Variants in NDRG1 observed in about 807,000 individuals in gnomAD.
NDRG1 encodes N-myc downstream regulated 1, also known as protein NDRG1.
In NDRG1, 32 loss-of-function variants were observed where a neutral mutation model predicts 56.9. That is an observed-to-expected ratio of 0.56 (90% CI 0.42 to 0.76). The LOEUF (loss-of-function observed/expected upper bound fraction) is 0.76. Ranked by LOEUF, NDRG1 falls within the 30% of genes least tolerant of loss-of-function variation. NDRG1 has a pLI of 0.00. For missense variants in NDRG1, 507 were observed against 545.7 expected, an observed-to-expected ratio of 0.93 and a Z score of 0.71; for synonymous variants, 211 against 204.1, an observed-to-expected ratio of 1.03 and a Z score of -0.29.
At chr8:133,286,885 G>A (rs1858147805) in intron 1 of NDRG1, among the ~76,000 whole-genome samples, 1 of 152,152 alleles carries the variant, frequency 6.6e-6, no homozygotes, top group African/African-American at 2.4e-5. Flanking sequence ...GCAGGCCTCG[G>A]GGTAGCCTGC....
chr8:133,255,295 G>C, intron 8 of NDRG1: 1 of 456,280 alleles, frequency 2.2e-6, no homozygotes, highest in South Asian at 1.5e-5. Context: ...TTCTAATCTG[G>C]AACTGGGAGT....
chr8:133,246,595 C>A, intron 13 of NDRG1, 21 bp downstream of exon 13: 2 of 1,613,638 alleles, frequency 1.2e-6, no homozygotes, highest in Non-Finnish European at 1.7e-6. Flanking sequence ...CAAACACGAA[C>A]CCCCACTGTT....
At chr8:133,277,514 C>G (rs1205910908) in intron 3 of NDRG1, among the ~76,000 whole-genome samples, 1 of 152,068 alleles carries the variant, frequency 6.6e-6, no homozygotes, top group Non-Finnish European at 1.5e-5. Flanking sequence ...TTGCAGTGAG[C>G]CAAGATCGCA....
chr8:133,240,161 C>CT, intron 15 of NDRG1: 1 of 152,312 alleles, frequency 6.6e-6, no homozygotes, highest in African/African-American at 2.4e-5. Context: ...GCCTCCTGAA[C>CT]TTTGAGAGAA....
rs763537429 is a variant in NDRG1 at position 133,258,402 on chromosome 8, T to C, written c.414A>G (p.Gly138=). Residue 138 remains glycine (G), a synonymous_variant, in exon 7 of 16, where the codon GGA becomes GGG. Transcript: ENST00000323851. ...QFGLKSIIGM[G]TGAGAYILTR... Reference sequence around the variant, plus strand: ...TTAGGATGTAGGCGCCTGCTCCTGTTCCCATGCCAATAATGCTTTTCAGCC... The same window carrying C: ...TTAGGATGTAGGCGCCTGCTCCTGTCCCCATGCCAATAATGCTTTTCAGCC... 6.2e-7 allele frequency: 1 copy of C among 1,612,240 alleles called. No individual in the cohort carries two copies. Among genetic ancestry groups the C allele is most frequent in the Non-Finnish European group, 8.5e-7 (1 of 1,179,238 alleles).
chr8:133,246,512 C>G, intron 13 of NDRG1, 104 bp downstream of exon 13: 1 of 1,153,844 alleles, frequency 8.7e-7, no homozygotes, highest in South Asian at 1.2e-5. Flanking sequence ...TCTATAGTTT[C>G]TGATCGTGTG....
At chr8:133,262,748 A>G (rs988382647) in intron 4 of NDRG1, among the ~76,000 whole-genome samples, 1 of 152,126 alleles carries the variant, frequency 6.6e-6, no homozygotes, top group African/African-American at 2.4e-5. Context: ...TTGCAATGAG[A>G]GGCAGCCATG....
chr8:133,263,737 G>A (rs1423206433), intron 4 of NDRG1, among the ~76,000 whole-genome samples: 1 of 152,068 alleles, frequency 6.6e-6, no homozygotes, highest in Non-Finnish European at 1.5e-5. Context: ...CCAACACAGT[G>A]AAACCCCGTC....
chr8:133,270,829 G>T (rs1441789501), intron 3 of NDRG1, among the ~76,000 whole-genome samples: 2 of 152,110 alleles, frequency 1.3e-5, no homozygotes, highest in South Asian at 4.1e-4. Flanking sequence ...TAACCACCAC[G>T]TGCCCTTGGC....
intron 2 of NDRG1, among the ~76,000 whole-genome samples, chr8:133,282,343 G>C (rs897918829): frequency 3.9e-5 from 6 of 152,196 alleles, no homozygotes; most frequent in Non-Finnish European, 8.8e-5. Flanking sequence ...CAAAAGGCTG[G>C]AAAGACACAT....
chr8:133,273,815 T>A (rs1194667917), intron 3 of NDRG1, among the ~76,000 whole-genome samples: 1 of 152,162 alleles, frequency 6.6e-6, no homozygotes, highest in African/African-American at 2.4e-5. Flanking sequence ...CCAGGTGGCC[T>A]TCCACAAAGC....
chr8:133,241,565 T>A (rs1164068619), intron 15 of NDRG1: 1 of 220,952 alleles, frequency 4.5e-6, no homozygotes, highest in South Asian at 7.1e-5. Context: ...GCTTCATCAC[T>A]GATAAGATGG....
rs561278978 is a variant in NDRG1, at chr8:133,280,109, C to T, written c.99+123G>A. On this transcript the variant is annotated intron_variant, in intron 3 of 15. Transcript: ENST00000323851. Reference sequence around the variant, plus strand: ...GCTGAGGGTGAGGACCTAGCTGAGACCACTGCCTTCTCTCCCCTTGCCCGC... The same window carrying T: ...GCTGAGGGTGAGGACCTAGCTGAGATCACTGCCTTCTCTCCCCTTGCCCGC... 15 of 1,189,626 alleles carry T rather than the reference C, an allele frequency of 1.3e-5. No homozygotes were observed. In the Admixed American group the frequency reaches 3.0e-4, roughly 23 times the overall value. 73.7% of individuals were successfully genotyped at this position (1,189,626 alleles called of 1,614,324 possible).
intron 9 of NDRG1, among the ~76,000 whole-genome samples, chr8:133,252,276 G>T (rs1856095080): frequency 6.6e-6 from 1 of 152,118 alleles, no homozygotes; most frequent in Non-Finnish European, 1.5e-5. Flanking sequence ...TGTATTTTCA[G>T]TAGAGACGGG....
chr8:133,294,657 T>C (rs1407690248), intron 1 of NDRG1, among the ~76,000 whole-genome samples: 4 of 136,916 alleles, frequency 2.9e-5, no homozygotes, highest in Non-Finnish European at 6.1e-5. Context: ...TCAGTTGAGA[T>C]CTGTCTTCTG....
chr8:133,249,021 GC>G (rs1855861672), intron 10 of NDRG1, among the ~76,000 whole-genome samples: 1 of 152,156 alleles, frequency 6.6e-6, no homozygotes, highest in Non-Finnish European at 1.5e-5. Context: ...TATTTGTGGG[GC>G]TTTTTTTTCC....
chr8:133,239,642 G>A (rs1855270220), intron 15 of NDRG1: 2 of 179,844 alleles, frequency 1.1e-5, no homozygotes, highest in Non-Finnish European at 2.4e-5. Context: ...AAGCCTGTCA[G>A]CCCAGGTGCT....
intron 1 of NDRG1, among the ~76,000 whole-genome samples, chr8:133,292,337 C>T (rs1262813087): frequency 3.9e-5 from 6 of 152,178 alleles, no homozygotes; most frequent in Non-Finnish European, 8.8e-5. Flanking sequence ...TTTCCACCCT[C>T]CGGAATGGGC....
chr8:133,262,646 A>C (rs1002298327), intron 4 of NDRG1, among the ~76,000 whole-genome samples: 1 of 152,200 alleles, frequency 6.6e-6, no homozygotes, highest in South Asian at 2.1e-4. Context: ...GAGTCTCCTC[A>C]CTGCTGAAGC....
Sources: allele counts gnomAD v4.1 joint callset (sites outside exome capture counted in the v4.1 genomes callset), GRCh38; gene constraint gnomAD v4.1.1; transcripts MANE v1.5; gene names NCBI Gene and HGNC (gene_info 2026-07-23, HGNC 2026-07-21).